Variants in UBE2E3 observed in about 807,000 individuals in gnomAD.
UBE2E3 encodes the protein ubiquitin conjugating enzyme E2 E3.
UBE2E3 carries 5 observed loss-of-function variants against 23.6 expected under a neutral mutation model. The observed-to-expected ratio is 0.21, with a 90% confidence interval of 0.11 to 0.44. The LOEUF (loss-of-function observed/expected upper bound fraction) is 0.44, where lower values mean the gene tolerates loss of function less well. UBE2E3 is among the 20% of genes least tolerant of loss of function. The probability of loss-of-function intolerance (pLI) is 0.99; values close to 1 mark genes in which losing one functional copy is unlikely to be tolerated. For synonymous variants in UBE2E3, 78 were observed against 87.5 expected (o/e 0.89, Z 0.60); for missense variants, 81 against 249.8 (o/e 0.32, Z 4.55).
At chr2:181,047,344 A>G (rs1686700360) in intron 3 of UBE2E3, among the ~76,000 whole-genome samples, 2 of 151,774 alleles carry the variant, frequency 1.3e-5, no homozygotes, top group Admixed American at 1.3e-4. Flanking sequence ...GGCTCATCCC[A>G]CCTGCAGGAC....
chr2:181,034,711 A>G (rs369023180), intron 3 of UBE2E3, among the ~76,000 whole-genome samples: 2 of 152,272 alleles, frequency 1.3e-5, no homozygotes, highest in South Asian at 4.2e-4. Context: ...TGGAACTAGC[A>G]TGTCAGAATA....
chr2:181,041,775 A>G (rs1013486660), intron 3 of UBE2E3, among the ~76,000 whole-genome samples: 1 of 152,168 alleles, frequency 6.6e-6, no homozygotes, highest in Non-Finnish European at 1.5e-5. Context: ...AATAAGAATT[A>G]TATTTTTGGC....
chr2:180,989,739 C>A, intron 3 of UBE2E3: 1 of 812,562 alleles, frequency 1.2e-6, no homozygotes, highest in Non-Finnish European at 1.8e-6. Context: ...GGTAAAACAG[C>A]ATGTGCTTTT....
At chr2:181,047,313 T>A (rs1390131578) in intron 3 of UBE2E3, among the ~76,000 whole-genome samples, 1 of 152,134 alleles carries the variant, frequency 6.6e-6, no homozygotes, top group Non-Finnish European at 1.5e-5. Flanking sequence ...GCCTTCTTAC[T>A]CTGTACTCTT....
chr2:181,053,425 A>G (rs1190102510), intron 3 of UBE2E3, among the ~76,000 whole-genome samples: 1 of 151,876 alleles, frequency 6.6e-6, no homozygotes, highest in African/African-American at 2.4e-5. Context: ...TTTGGAACAT[A>G]CTCGTTTATA....
In UBE2E3 at chr2:180,981,990, C is replaced by T. The variant is rs1684309520; in HGVS notation, c.-25-28C>T. 3.5e-6 allele frequency: 5 copies of T among 1,447,350 alleles called. No homozygotes were observed. The Admixed American group carries it at 6.7e-5, about 19-fold the overall frequency. 89.7% of individuals were successfully genotyped at this position (1,447,350 alleles called of 1,614,324 possible). A position where few individuals can be genotyped will look rare whatever the true frequency, so the allele number is the denominator to read the frequency against. The stretch of plus-strand genomic sequence containing the variant: ...TTATTTCCTAGATTTAACATTTTCT[C>T]CTCCTCCTCCCCTGTTCTCTTTAAA... On this transcript the variant is annotated intron_variant, in intron 1 of 5. Transcript: ENST00000410062.
intron 3 of UBE2E3, among the ~76,000 whole-genome samples, chr2:181,022,038 G>A (rs1416628967): frequency 3.3e-5 from 5 of 152,040 alleles, no homozygotes; most frequent in Admixed American, 6.6e-5. Flanking sequence ...AATAATGTAC[G>A]TTAACATTTT....
At chr2:181,061,735 T>G (rs1687158388) in intron 5 of UBE2E3, among the ~76,000 whole-genome samples, 2 of 151,354 alleles carry the variant, frequency 1.3e-5, no homozygotes, top group South Asian at 4.1e-4. Flanking sequence ...AAAGTGATGT[T>G]TAGACCTGAA....
rs1685330486 is a variant in UBE2E3, at chr2:181,011,610, C to T, written c.245+27517C>T. 2.0e-5 allele frequency among the ~76,000 whole-genome samples: 3 copies of T among 152,212 alleles called. 1 individual carries two copies. The South Asian group carries it at 6.2e-4, about 32-fold the overall frequency. On this transcript the variant is annotated intron_variant, in intron 3 of 5. Transcript: ENST00000410062. ...AAATAATGCACTGGCTGCACAGGAACGATGGTATAGAAGTGCCATTTTAAC... is the reference window on the plus strand; with the variant it reads ...AAATAATGCACTGGCTGCACAGGAATGATGGTATAGAAGTGCCATTTTAAC...
intron 3 of UBE2E3, among the ~76,000 whole-genome samples, chr2:181,043,929 T>A (rs1185174120): frequency 6.6e-6 from 1 of 152,208 alleles, no homozygotes; most frequent in African/African-American, 2.4e-5. Flanking sequence ...TCGTTGGACA[T>A]TTAAGTTATT....
In UBE2E3 at chr2:181,035,028, C is replaced by T. The variant is rs147464227; in HGVS notation, c.246-22665C>T. 3.8e-3 allele frequency among the ~76,000 whole-genome samples: 584 copies of T among 152,148 alleles called. 2 individuals carry two copies. Among genetic ancestry groups the T allele is most frequent in the Non-Finnish European group, 6.3e-3 (426 of 67,964 alleles). On this transcript the variant is annotated intron_variant, in intron 3 of 5. Coordinates refer to ENST00000410062, the MANE Select transcript of UBE2E3 (RefSeq NM_006357.4). ...TTCTATTTAGATAAATGGCAAAATC[C>T]GCCTTGGAAAAGCTACATAATAAAT...
At chr2:181,035,640 C>T (rs1686247167) in intron 3 of UBE2E3, among the ~76,000 whole-genome samples, 1 of 152,178 alleles carries the variant, frequency 6.6e-6, no homozygotes, top group Non-Finnish European at 1.5e-5. Flanking sequence ...GTTTTTCTAG[C>T]CCAACACAAA....
rs13406482 is a variant in UBE2E3 at position 180,999,160 on chromosome 2, G to C, written c.245+15067G>C. On this transcript the variant is annotated intron_variant, in intron 3 of 5. Transcript: ENST00000410062. ...AAGAATATGAAAATTATAAAAGGTC[G>C]AATTTATTTATTATGATAAGAGAAT... Among the ~76,000 whole-genome samples, 410 of 152,142 alleles carry C rather than the reference G, an allele frequency of 2.7e-3. 1 individual carries two copies. Among genetic ancestry groups the C allele is most frequent in the African/African-American group, 9.4e-3 (391 of 41,498 alleles).
Position 181,015,878 on chromosome 2 carries a change from A to G in UBE2E3, c.245+31785A>G, listed in dbSNP as rs772759888. ...CTAGTTCAGCAATTTATAGCTAACT[A>G]TGCTGCAAGTGCCCAAACTAGAAAC... On this transcript the variant is annotated intron_variant, in intron 3 of 5. Coordinates refer to ENST00000410062, the MANE Select transcript of UBE2E3 (RefSeq NM_006357.4). Among the ~76,000 whole-genome samples, 5 of 152,212 alleles carry G rather than the reference A, an allele frequency of 3.3e-5. No individual in the cohort carries two copies. In the East Asian group the frequency reaches 7.7e-4, roughly 24 times the overall value.
At chr2:180,985,879 T>C (rs1684451288) in intron 3 of UBE2E3, among the ~76,000 whole-genome samples, 1 of 151,482 alleles carries the variant, frequency 6.6e-6, no homozygotes, top group African/African-American at 2.4e-5. Context: ...ATGTATTAAG[T>C]GCCCTCAGAG....
chr2:181,061,012 CATTTA>C (rs901313778), intron 5 of UBE2E3, among the ~76,000 whole-genome samples, 200 bp downstream of exon 5: 40 of 151,138 alleles, frequency 2.6e-4, no homozygotes, highest in Non-Finnish European at 4.7e-4. Flanking sequence ...TCAATACCTT[CATTTA>C]ATTTGTTAAT....
intron 3 of UBE2E3, among the ~76,000 whole-genome samples, chr2:181,044,350 C>A (rs769003790): frequency 1.1e-4 from 16 of 152,046 alleles, no homozygotes; most frequent in Non-Finnish European, 2.2e-4. Context: ...AGGATGAAAT[C>A]TCTAAGCGAT....
At chr2:181,011,570 A>G (rs572950786) in intron 3 of UBE2E3, among the ~76,000 whole-genome samples, 6 of 152,280 alleles carry the variant, frequency 3.9e-5, no homozygotes, top group African/African-American at 1.4e-4. Flanking sequence ...AACTAAGTCA[A>G]AAATTTTTTA....
chr2:181,015,548 A>G (rs1685459622), intron 3 of UBE2E3, among the ~76,000 whole-genome samples: 1 of 152,210 alleles, frequency 6.6e-6, no homozygotes, highest in African/African-American at 2.4e-5. Context: ...GCAGTATTAA[A>G]AGACAGTGTC....
Sources: allele counts gnomAD v4.1 joint callset (sites outside exome capture counted in the v4.1 genomes callset), GRCh38; gene constraint gnomAD v4.1.1; transcripts MANE v1.5; gene names NCBI Gene and HGNC (gene_info 2026-07-23, HGNC 2026-07-21).